The following AGAP3 variants were observed in gnomAD, a reference collection of about 807,000 sequenced individuals.
AGAP3 encodes the protein arf-GAP with GTPase, ANK repeat and PH domain-containing protein 3.
AGAP3 carries 24 observed loss-of-function variants against 96.9 expected under a neutral mutation model. That is an observed-to-expected ratio of 0.25 (90% CI 0.18 to 0.35). The LOEUF (loss-of-function observed/expected upper bound fraction) is 0.35, where lower values mean the gene tolerates loss of function less well. Among genes scored for constraint, AGAP3 ranks in the 10% least tolerant of loss-of-function variants. The pLI is 1.00. For missense variants in AGAP3, 876 were observed against 1,254.2 expected (o/e 0.70, Z 4.55); for synonymous variants, 563 against 536.1 (o/e 1.05, Z -0.69).
In AGAP3 at chr7:151,123,792, A is replaced by G; in HGVS notation, c.1129-2A>G. 1 of 1,612,964 alleles carries G rather than the reference A, an allele frequency of 6.2e-7. No homozygotes were observed. The highest frequency in any genetic ancestry group is 8.5e-7 in the Non-Finnish European group (1 of 1,179,804). On this transcript the variant is annotated splice_acceptor_variant, in intron 8 of 17. Transcript: ENST00000397238. LOFTEE classifies it high-confidence loss of function. ...TAACACGCCTCTTGTTTTCTCTTCC[A>G]GTCTCGGAAGGGTGCTGACCTGGAC...
Position 151,095,724 on chromosome 7 carries a change from AAAAG to A in AGAP3, c.331+8654_331+8657del, listed in dbSNP as rs1469741723. On this transcript the variant is annotated intron_variant, in intron 1 of 17. Coordinates refer to ENST00000397238, the MANE Select transcript of AGAP3 (RefSeq NM_031946.7). ...TACAAAAAAAAAAAAAAAAAAAAAA[AAAAG>A]ATACCAGAAAGGCAAGCCCCAGAGC... 2.7e-4 allele frequency among the ~76,000 whole-genome samples: 41 copies of A among 149,340 alleles called. 1 individual carries two copies. The highest frequency in any genetic ancestry group is 7.9e-4 in the African/African-American group (31 of 39,294).
chr7:151,104,328 G>A (rs1350105712), intron 1 of AGAP3, among the ~76,000 whole-genome samples: 1 of 152,174 alleles, frequency 6.6e-6, no homozygotes, highest in African/African-American at 2.4e-5. Context: ...GACAAAACTA[G>A]CAGACATGTA....
chr7:151,143,748 C>T lies in AGAP3; in HGVS notation c.2541C>T (p.Asp847=), dbSNP rs544001543. Residue 847 remains aspartate, a synonymous_variant, in exon 18 of 18, where the codon GAC becomes GAT. Coordinates refer to ENST00000397238, the MANE Select transcript of AGAP3 (RefSeq NM_031946.7). This position sits in a 1 kb window ranked among gnomAD's most constrained non-coding sequence, Gnocchi z 5.9. ...GTTTTCTCCTACAGTACGGGGTGGA[C>T]GTGAGGAGCCGGGACGCCCGGGGCC... ...FTQLLIWYGV[D]VRSRDARGLT... 8.1e-6 allele frequency: 13 copies of T among 1,614,154 alleles called. No homozygotes were observed. In the South Asian group the frequency reaches 9.9e-5, roughly 12 times the overall value.
At chr7:151,115,501 C>A (rs1157331883) in intron 1 of AGAP3, 2 of 1,021,004 alleles carry the variant, frequency 2.0e-6, no homozygotes, top group African/African-American at 3.5e-5. Flanking sequence ...CGCGCAGCGC[C>A]GGAGCCCGGC....
At chr7:151,120,746 G>A (rs1344768743) in intron 8 of AGAP3, 2 of 1,203,270 alleles carry the variant, frequency 1.7e-6, no homozygotes, top group Non-Finnish European at 2.1e-6. Flanking sequence ...TCCCTCTCAG[G>A]TTTGTCCTGT....
chr7:151,093,742 G>A (rs1378456648), intron 1 of AGAP3, among the ~76,000 whole-genome samples: 6 of 152,196 alleles, frequency 3.9e-5, no homozygotes, highest in South Asian at 2.1e-4. Flanking sequence ...GTTCATTTGC[G>A]TATTTGGCAG....
Position 151,137,429 on chromosome 7 carries a change from G to A in AGAP3, c.1496-714G>A, listed in dbSNP as rs574170007. Among the ~76,000 whole-genome samples the A allele has an allele frequency of 9.9e-4, 151 of 152,354 alleles. 3 individuals are homozygous for A. In the South Asian group the frequency reaches 0.028, roughly 28 times the overall value. ...GAAGGGGAAGGAAGCTTAGGTTCTC[G>A]GAGTTCCAACTCAGGCCTTGTACCA... On this transcript the variant is annotated intron_variant, in intron 11 of 17. Transcript: ENST00000397238.
intron 1 of AGAP3, chr7:151,115,096 C>T: frequency 1.9e-6 from 2 of 1,029,256 alleles, no homozygotes; most frequent in Non-Finnish European, 2.3e-6. Flanking sequence ...CCCGCGCCGA[C>T]CCGGCGCAGC....
At chr7:151,089,081 G>T (rs1470795003) in intron 1 of AGAP3, among the ~76,000 whole-genome samples, 1 of 150,646 alleles carries the variant, frequency 6.6e-6, no homozygotes, top group Non-Finnish European at 1.5e-5. Flanking sequence ...CCTCCCCCCT[G>T]CCCAGCCTCT....
chr7:151,117,905 C>T, intron 5 of AGAP3, 128 bp downstream of exon 5: 2 of 1,281,802 alleles, frequency 1.6e-6, no homozygotes, highest in Non-Finnish European at 2.1e-6. Context: ...GACTGGGACC[C>T]TCAGCACTCT....
At chr7:151,130,065 G>A (rs1373104706) in intron 10 of AGAP3, among the ~76,000 whole-genome samples, 1 of 152,226 alleles carries the variant, frequency 6.6e-6, no homozygotes, top group Non-Finnish European at 1.5e-5. Flanking sequence ...CTCTGCTCAT[G>A]TCCAGCTGCC....
rs1009347093 is a variant in AGAP3, at chr7:151,118,943, C to T, written c.969+311C>T. 2.0e-5 allele frequency among the ~76,000 whole-genome samples: 3 copies of T among 152,228 alleles called. No homozygotes were observed. The highest frequency in any genetic ancestry group is 4.4e-5 in the Non-Finnish European group (3 of 68,050). ...AAAGTCCTGGGCCATCCACAGGTGG[C>T]ATGGTCAAGGCAGCAGCCACTGCAC... On this transcript the variant is annotated intron_variant, in intron 7 of 17. Transcript: ENST00000397238. The surrounding 1 kb of genome is among the most constrained non-coding windows in gnomAD (Gnocchi z 6.1).
chr7:151,093,367 C>G (rs1798474543), intron 1 of AGAP3, among the ~76,000 whole-genome samples: 1 of 152,140 alleles, frequency 6.6e-6, no homozygotes, highest in African/African-American at 2.4e-5. Context: ...TCTTGAACTC[C>G]TGGACTCAAG....
chr7:151,087,180 G>C, intron 1 of AGAP3, 108 bp downstream of exon 1: 2 of 1,240,734 alleles, frequency 1.6e-6, no homozygotes, highest in Non-Finnish European at 1.1e-6. Context: ...GGGGGTCCTT[G>C]CGCGCTTGAG....
Position 151,143,322 on chromosome 7 carries a change from G to C in AGAP3, c.2274-19G>C, listed in dbSNP as rs375918390. The C allele has an allele frequency of 8.1e-6, 13 of 1,597,738 alleles. No homozygotes were observed. Among genetic ancestry groups the C allele is most frequent in the Non-Finnish European group, 1.1e-5 (13 of 1,169,902 alleles). ...GGTGACCTTCCTTGGCTCATGCCCTGATGGGCCTGTGGTTGCAGAGAGGAG... is the reference window on the plus strand; with the variant it reads ...GGTGACCTTCCTTGGCTCATGCCCTCATGGGCCTGTGGTTGCAGAGAGGAG... On this transcript the variant is annotated intron_variant, in intron 16 of 17. Coordinates refer to ENST00000397238, the MANE Select transcript of AGAP3 (RefSeq NM_031946.7). The surrounding 1 kb of genome is among the most constrained non-coding windows in gnomAD (Gnocchi z 5.9).
intron 11 of AGAP3, among the ~76,000 whole-genome samples, chr7:151,136,802 A>G (rs992118932): frequency 2.0e-5 from 3 of 152,146 alleles, no homozygotes; most frequent in African/African-American, 7.2e-5. Flanking sequence ...AGGGAATGAA[A>G]GCAGGGGTGA....
Position 151,114,181 on chromosome 7 carries a change from G to A in AGAP3, c.332-2612G>A, listed in dbSNP as rs901054551. The stretch of plus-strand genomic sequence containing the variant: ...TAGCAGCCAGCAACTCTCGACCTCA[G>A]AATGTCAGAGCCGAAACTAAGACAG... On this transcript the variant is annotated intron_variant, in intron 1 of 17. Transcript: ENST00000397238. The surrounding 1 kb of genome is among the most constrained non-coding windows in gnomAD (Gnocchi z 4.4). Among the ~76,000 whole-genome samples the A allele has an allele frequency of 6.6e-6, 1 of 152,254 alleles. No individual in the cohort carries two copies. The highest frequency in any genetic ancestry group is 1.5e-5 in the Non-Finnish European group (1 of 68,042).
intron 8 of AGAP3, chr7:151,122,583 C>T: frequency 1.1e-6 from 1 of 916,440 alleles, no homozygotes; most frequent in Non-Finnish European, 1.7e-6. Context: ...TCTTCCTCGT[C>T]CTTCTCCTCC....
rs867988058 is a variant in AGAP3 at position 151,086,691 on chromosome 7, G to T, written c.-51G>T. On this transcript the variant is annotated 5_prime_UTR_variant, in exon 1 of 18. Transcript: ENST00000397238. ...CGCTGCCGCCGCCGCCGCCGCCGCCGCCTCCGCCGCGCCGCCCCGGGCCCG... is the reference window on the plus strand; with the variant it reads ...CGCTGCCGCCGCCGCCGCCGCCGCCTCCTCCGCCGCGCCGCCCCGGGCCCG... The T allele has an allele frequency of 4.9e-6, 1 of 203,350 alleles. No individual in the cohort carries two copies. Among genetic ancestry groups the T allele is most frequent in the Non-Finnish European group, 7.9e-6 (1 of 126,982 alleles). The allele number at this position is 203,350 out of a possible 1,614,324, so 12.6% of individuals were successfully genotyped here. A position where few individuals can be genotyped will look rare whatever the true frequency, so the allele number is the denominator to read the frequency against.
Sources: allele counts gnomAD v4.1 joint callset (sites outside exome capture counted in the v4.1 genomes callset), GRCh38; gene constraint gnomAD v4.1.1; non-coding constraint Gnocchi (gnomAD v3.1); transcripts MANE v1.5; gene names NCBI Gene and HGNC (gene_info 2026-07-23, HGNC 2026-07-21).